Variants in XAF1 observed in about 807,000 individuals in gnomAD.
XAF1 encodes XIAP-associated factor 1.
A neutral mutation model predicts 32.3 loss-of-function variants in XAF1; 32 were observed. That is an observed-to-expected ratio of 0.99 (90% CI 0.75 to 1.33). XAF1 has a LOEUF of 1.33. Ranked by LOEUF, XAF1 falls within the 40% of genes most tolerant of loss-of-function variation. The pLI, the probability that XAF1 is intolerant of heterozygous loss-of-function variation, is 0.00. For synonymous variants in XAF1, 120 were observed against 125.9 expected (o/e 0.95, Z 0.31); for missense variants, 379 against 366.0 (o/e 1.04, Z -0.29).
chr17:6,773,316 A>T lies in XAF1; in HGVS notation c.*147A>T. The T allele has an allele frequency of 1.6e-6, 1 of 639,462 alleles. No homozygotes were observed. The highest frequency in any genetic ancestry group is 2.4e-5 in the South Asian group (1 of 42,496). 39.6% of individuals were successfully genotyped at this position (639,462 alleles called of 1,614,324 possible). A position where few individuals can be genotyped will look rare whatever the true frequency, so the allele number is the denominator to read the frequency against. ...AAAGGTTTGGCAGAACTAAAAACAAAACTCACGTATCATCTCAATAGATAC... is the reference window on the plus strand; with the variant it reads ...AAAGGTTTGGCAGAACTAAAAACAATACTCACGTATCATCTCAATAGATAC... On this transcript the variant is annotated 3_prime_UTR_variant, in exon 7 of 7. Coordinates refer to ENST00000361842, the MANE Select transcript of XAF1 (RefSeq NM_017523.5).
At chr17:6,764,527 C>T (rs1975447779) in intron 5 of XAF1, among the ~76,000 whole-genome samples, 1 of 152,072 alleles carries the variant, frequency 6.6e-6, no homozygotes, top group Non-Finnish European at 1.5e-5. Flanking sequence ...AAAGGGGTAC[C>T]ACTATTGAAT....
intron 5 of XAF1, among the ~76,000 whole-genome samples, chr17:6,765,701 A>G (rs1053118362): frequency 5.3e-5 from 8 of 152,192 alleles, no homozygotes; most frequent in East Asian, 3.9e-4. Flanking sequence ...TTCCCTCCGC[A>G]TTGCTACCCT....
rs572834957 is a variant in XAF1, at chr17:6,756,442, A to G, written c.32+332A>G. 6.4e-4 allele frequency among the ~76,000 whole-genome samples: 97 copies of G among 152,082 alleles called. 1 individual carries two copies. Among genetic ancestry groups the G allele is most frequent in the African/African-American group, 2.2e-3 (91 of 41,496 alleles). On this transcript the variant is annotated intron_variant, in intron 1 of 6. Coordinates refer to ENST00000361842, the MANE Select transcript of XAF1 (RefSeq NM_017523.5). ...TTGGGTCCTAATTTGGGGTTCTGAT[A>G]CTATGACCTTCACACCCATCTGTGA...
At chr17:6,758,361 G>A (rs544168337) in intron 2 of XAF1, 137 bp downstream of exon 2, 131 of 1,332,768 alleles carry the variant, frequency 9.8e-5, no homozygotes, top group Non-Finnish European at 1.3e-4. Flanking sequence ...TGGGAGTCAA[G>A]GCAAGTGTTC....
Position 6,756,072 on chromosome 17 carries a change from G to A in XAF1, c.-7G>A, listed in dbSNP as rs868599935. The A allele has an allele frequency of 5.6e-6, 9 of 1,613,996 alleles. No individual in the cohort carries two copies. The Middle Eastern group carries it at 1.5e-3, about 266-fold the overall frequency. ...AAACTCAACCGAAAGCCTGCAGAGA[G>A]CAGAACATGGAAGGAGACTTCTCGG... On this transcript the variant is annotated 5_prime_UTR_variant, in exon 1 of 7. Transcript: ENST00000361842.
intron 6 of XAF1, chr17:6,772,912 G>C: frequency 2.0e-6 from 1 of 495,032 alleles, no homozygotes. Flanking sequence ...CCCAGTGATA[G>C]CAACAGGCCC....
At chr17:6,768,037 CT>C (rs1201806205) in intron 5 of XAF1, among the ~76,000 whole-genome samples, 1 of 152,086 alleles carries the variant, frequency 6.6e-6, no homozygotes, top group Non-Finnish European at 1.5e-5. Context: ...CATACTACCC[CT>C]CTTTACTGAT....
rs116296501 is a variant in XAF1, at chr17:6,766,120, T to C, written c.507+3880T>C. Among the ~76,000 whole-genome samples, 1,245 of 152,216 alleles carry C rather than the reference T, an allele frequency of 8.2e-3. 28 individuals are homozygous for C. The highest frequency in any genetic ancestry group is 0.028 in the African/African-American group (1,172 of 41,522). ...CTCCAGGAGCTAACTCTCTCACTTC[T>C]CTCAAGTCTTTGCCCAGATGGCACC... On this transcript the variant is annotated intron_variant, in intron 5 of 6. Transcript: ENST00000361842.
intron 5 of XAF1, among the ~76,000 whole-genome samples, chr17:6,766,476 C>T (rs533474586): frequency 6.6e-6 from 1 of 152,290 alleles, no homozygotes; most frequent in African/African-American, 2.4e-5. Flanking sequence ...CTTATTGACT[C>T]ATAAGGATTT....
At chr17:6,762,307 G>A in intron 5 of XAF1, 67 bp downstream of exon 5, 1 of 1,396,902 alleles carries the variant, frequency 7.2e-7, no homozygotes, top group East Asian at 2.3e-5. Context: ...AGTGTGATAG[G>A]AAAGGCAGAT....
Position 6,774,177 on chromosome 17 carries a change from C to T in XAF1, c.*1008C>T, listed in dbSNP as rs1043660260. ...TACAGGGCTACAGTAACCAAAACTG[C>T]ATGATACTGGTACAAAAGCATGGTG... On this transcript the variant is annotated 3_prime_UTR_variant, in exon 7 of 7. Coordinates refer to ENST00000361842, the MANE Select transcript of XAF1 (RefSeq NM_017523.5). The T allele has an allele frequency of 1.3e-5, 2 of 152,196 alleles. No homozygotes were observed. The highest frequency in any genetic ancestry group is 4.8e-5 in the African/African-American group (2 of 41,452). The allele number at this position is 152,196 out of a possible 1,614,324, so 9.4% of individuals were successfully genotyped here.
intron 5 of XAF1, 122 bp downstream of exon 5, chr17:6,762,362 T>C (rs1047904853): frequency 1.2e-6 from 1 of 846,364 alleles, no homozygotes; most frequent in Non-Finnish European, 1.8e-6. Context: ...GGGTCCCATA[T>C]TTATTTTTTG....
intron 5 of XAF1, among the ~76,000 whole-genome samples, chr17:6,769,858 T>C (rs1218087186): frequency 6.6e-6 from 1 of 152,214 alleles, no homozygotes; most frequent in Non-Finnish European, 1.5e-5. Context: ...GGCATAAGTT[T>C]TCATCTCCAC....
At chr17:6,755,937 A>G, upstream of XAF1, 1 of 1,538,574 alleles carries the variant, frequency 6.5e-7, no homozygotes. Flanking sequence ...CAGCCTCAGG[A>G]ATCAAGGGGA....
At chr17:6,767,061 T>C (rs1301098567) in intron 5 of XAF1, among the ~76,000 whole-genome samples, 1 of 152,230 alleles carries the variant, frequency 6.6e-6, no homozygotes, top group Admixed American at 6.5e-5. Flanking sequence ...TGGGTGGCTA[T>C]AGAATCTATT....
chr17:6,762,927 A>C (rs1462579429), intron 5 of XAF1, among the ~76,000 whole-genome samples: 2 of 152,186 alleles, frequency 1.3e-5, no homozygotes, highest in African/African-American at 4.8e-5. Flanking sequence ...GAATATCAAA[A>C]CTAAAGAAAC....
In XAF1 at chr17:6,758,176, T is replaced by C. The variant is rs755860253; in HGVS notation, c.120T>C (p.Pro40=). 21 of 1,614,238 alleles carry C rather than the reference T, an allele frequency of 1.3e-5. No homozygotes were observed. Among genetic ancestry groups the C allele is most frequent in the Middle Eastern group, 3.3e-4 (2 of 6,062 alleles). Reference sequence around the variant, plus strand: ...TCCTGTGTCCGGAGTGTGAGGAGCCTGTCCCCAAGGAAACCATGGAGGAGC... The same window carrying C: ...TCCTGTGTCCGGAGTGTGAGGAGCCCGTCCCCAAGGAAACCATGGAGGAGC... ...FLVLCPECEE[P]VPKETMEEHC... is the part of the protein sequence containing the mutation. The change falls in exon 2 of 7, where the codon CCT becomes CCC. Residue 40 remains proline (P), a synonymous_variant. Coordinates refer to ENST00000361842, the MANE Select transcript of XAF1 (RefSeq NM_017523.5).
chr17:6,765,391 C>T (rs760452291), intron 5 of XAF1, among the ~76,000 whole-genome samples: 56 of 151,922 alleles, frequency 3.7e-4, no homozygotes, highest in Middle Eastern at 3.4e-3. Context: ...GCAGCCTGGG[C>T]GACAGAGCGA....
intron 2 of XAF1, 37 bp from the exon 3 acceptor site, chr17:6,759,625 A>C (rs763155330): frequency 6.3e-7 from 1 of 1,598,476 alleles, no homozygotes; most frequent in African/African-American, 1.4e-5. Context: ...GTGGACCCAC[A>C]TCTGGTGTGT....
Sources: gnomAD v4.1 joint callset for allele counts (sites outside exome capture counted in the v4.1 genomes callset) on GRCh38, gnomAD v4.1.1 for gene constraint, MANE v1.5 for transcripts, NCBI Gene and HGNC (gene_info 2026-07-23, HGNC 2026-07-21) for gene names.